The following SP7 variants were observed in gnomAD, a reference collection of about 807,000 sequenced individuals.
The protein encoded by SP7 is Sp7 transcription factor, also known as transcription factor Sp7.
SP7 carries 13 observed loss-of-function variants against 27.9 expected under a neutral mutation model. The ratio of observed to expected loss-of-function variants is 0.47; its 90% CI spans 0.30 to 0.74. The LOEUF (loss-of-function observed/expected upper bound fraction) is 0.74, where lower values mean the gene tolerates loss of function less well. Among genes scored for constraint, SP7 ranks in the 30% least tolerant of loss-of-function variants. The pLI is 0.06. For synonymous variants in SP7, 219 were observed against 226.7 expected, an observed-to-expected ratio of 0.97 and a Z score of 0.31; for missense variants, 525 against 558.0, an observed-to-expected ratio of 0.94 and a Z score of 0.60.
chr12:53,338,192 T>C (rs1280140815), upstream of SP7, among the ~76,000 whole-genome samples: 2 of 151,542 alleles, frequency 1.3e-5, no homozygotes. Flanking sequence ...TAGCACATAA[T>C]TGTGTCCGCT....
rs769481898 is a variant in SP7, at chr12:53,329,024, T to C, written c.418A>G (p.Lys140Glu). 2 of 1,613,752 alleles carry C rather than the reference T, an allele frequency of 1.2e-6. No individual in the cohort carries two copies. Among genetic ancestry groups the C allele is most frequent in the South Asian group, 1.1e-5 (1 of 91,076 alleles). ...DMTHPYGSWYKAGIHAGISPG... is the reference protein window; with the variant it reads ...DMTHPYGSWYEAGIHAGISPG... ...GAAATGCCTGCATGGATGCCTGCCTTGTACCAGGAGCCATAGGGGTGTGTC... is the reference window on the plus strand; with the variant it reads ...GAAATGCCTGCATGGATGCCTGCCTCGTACCAGGAGCCATAGGGGTGTGTC... Residue 140 changes from lysine (K) to glutamate (E), a missense_variant, in exon 3 of 3, where the codon AAG becomes GAG. By Grantham distance (56) the Lys-to-Glu change is moderately conservative. Transcript: ENST00000536324.
chr12:53,343,183 G>C (rs1944838206), intron 1 of SP7, among the ~76,000 whole-genome samples: 1 of 151,388 alleles, frequency 6.6e-6, no homozygotes, highest in Admixed American at 6.6e-5. Flanking sequence ...ATGAGACCTT[G>C]TCTAAAAGAA....
At chr12:53,339,878 C>G (rs569318523), upstream of SP7, among the ~76,000 whole-genome samples, 1 of 152,078 alleles carries the variant, frequency 6.6e-6, no homozygotes, top group Non-Finnish European at 1.5e-5. Flanking sequence ...CAAAGGGACT[C>G]CCAACTCTTC....
chr12:53,332,849 A>G (rs1210471398), intron 2 of SP7, among the ~76,000 whole-genome samples: 2 of 151,614 alleles, frequency 1.3e-5, no homozygotes, highest in African/African-American at 4.9e-5. Flanking sequence ...CTCCCCCCTG[A>G]CCGCCCCCTC....
At chr12:53,329,512 CA>C in intron 2 of SP7, 92 bp from the exon 3 acceptor site, 1 of 1,096,134 alleles carries the variant, frequency 9.1e-7, no homozygotes, top group Non-Finnish European at 1.3e-6. Context: ...GAGACATCCA[CA>C]ACAGAACAGA....
Position 53,328,866 on chromosome 12 carries a change from G to T in SP7, c.576C>A (p.Asn192Lys), listed in dbSNP as rs1169286485. The T allele has an allele frequency of 6.2e-7, 1 of 1,606,464 alleles. No individual in the cohort carries two copies. Among genetic ancestry groups the T allele is most frequent in the East Asian group, 2.2e-5 (1 of 44,732 alleles). Residue 192 changes from asparagine (N) to lysine (K), a missense_variant, in exon 3 of 3, where the codon AAC becomes AAA. Physicochemically the swap from Asn to Lys is moderately conservative, Grantham distance 94. Coordinates refer to ENST00000536324, the MANE Select transcript of SP7 (RefSeq NM_001173467.3). The surrounding 1 kb of genome is among the most constrained non-coding windows in gnomAD (Gnocchi z 5.1). ...CAGATGGGTAGGTGGGCAGCTGGGG[G>T]TTCAGTGGAGGCTGAGCTGGACCTG... ...LPTGPAQPPL[N>K]PQLPTYPSDF...
intron 1 of SP7, among the ~76,000 whole-genome samples, chr12:53,342,477 C>G (rs754335408): frequency 6.6e-5 from 10 of 152,174 alleles, no homozygotes; most frequent in Non-Finnish European, 5.9e-5. Flanking sequence ...ACCTCACAAA[C>G]TAACCAGCAA....
At position 53,327,083 on chromosome 12, in the gene SP7, A is replaced by T. The variant is rs2136831217; in HGVS notation, c.*1063T>A. ...CTCTCCATAACCATGGCAACAGGGG[A>T]TTAACCTGATGGGGTCATGGTGTCT... On this transcript the variant is annotated 3_prime_UTR_variant, in exon 3 of 3. Coordinates refer to ENST00000536324, the MANE Select transcript of SP7 (RefSeq NM_001173467.3). The T allele has an allele frequency of 6.5e-6, 1 of 152,740 alleles. No homozygotes were observed. The highest frequency in any genetic ancestry group is 2.1e-4 in the South Asian group (1 of 4,830). 9.5% of individuals were successfully genotyped at this position (152,740 alleles called of 1,614,324 possible).
chr12:53,344,071 A>T lies in SP7; in HGVS notation c.-34+1043T>A, dbSNP rs1042302839. 6.6e-6 allele frequency among the ~76,000 whole-genome samples: 1 copy of T among 152,050 alleles called. No individual in the cohort carries two copies. Among genetic ancestry groups the T allele is most frequent in the Non-Finnish European group, 1.5e-5 (1 of 68,000 alleles). ...TCAAGAAAAAAAAAAATAAAAAAAT[A>T]AGTCAATGAAGGGGTGATATTGAGG... On this transcript the variant is annotated intron_variant, in intron 1 of 1. Coordinates refer to the SP7 transcript ENST00000547755. The surrounding 1 kb of genome is among the most constrained non-coding windows in gnomAD (Gnocchi z 4.6).
chr12:53,333,086 G>T (rs1018998225), intron 2 of SP7, among the ~76,000 whole-genome samples: 27 of 152,160 alleles, frequency 1.8e-4, no homozygotes, highest in African/African-American at 6.3e-4. Flanking sequence ...GGCCCTCGAG[G>T]GCAGGGAATG....
intron 1 of SP7, among the ~76,000 whole-genome samples, chr12:53,342,937 G>C (rs1169874643): frequency 2.0e-5 from 3 of 151,718 alleles, no homozygotes; most frequent in Admixed American, 6.6e-5. Context: ...ATTAAGGAAG[G>C]CTTCCTGGAA....
At position 53,335,634 on chromosome 12, in the gene SP7, G is replaced by C. The variant is rs1416922320; in HGVS notation, c.13C>G (p.Leu5Val). 6.4e-7 allele frequency: 1 copy of C among 1,551,610 alleles called. No individual in the cohort carries two copies. ...GAAGAGGGGACAGTTACCTCAAGCA[G>C]GGAGGACGCCATCCTGAGGCTGGGG... MASS[L>V]LEEEVHYGSS... The change falls in exon 2 of 3, where the codon CTG becomes GTG. Residue 5 changes from leucine to valine, a missense_variant. By Grantham distance (32) the Leu-to-Val change is conservative. Coordinates refer to ENST00000536324, the MANE Select transcript of SP7 (RefSeq NM_001173467.3).
Position 53,329,397 on chromosome 12 carries a change from A to C in SP7, c.45T>G (p.Ser15Arg). The C allele has an allele frequency of 6.2e-7, 1 of 1,613,914 alleles. No homozygotes were observed. Among genetic ancestry groups the C allele is most frequent in the Non-Finnish European group, 8.5e-7 (1 of 1,179,848 alleles). The change falls in exon 3 of 3, where the codon AGT (serine) becomes AGG (arginine). Residue 15 changes from serine (S) to arginine (R), a missense_variant. Ser to Arg is a moderately radical substitution (Grantham distance 110). Transcript: ENST00000536324. ...ACGCTGCCGTCAGCATGGCCAGGGG[A>C]CTGGAGCCATAGTGAACTTCCTCCT... ...LLEEEVHYGS[S>R]PLAMLTAACS... is the part of the protein sequence containing the mutation.
rs377529417 is a variant in SP7 at position 53,328,538 on chromosome 12, C to T, written c.904G>A (p.Gly302Ser). 27 of 1,612,874 alleles carry T rather than the reference C, an allele frequency of 1.7e-5. No homozygotes were observed. The highest frequency in any genetic ancestry group is 1.9e-5 in the Non-Finnish European group (22 of 1,179,124). The change falls in exon 3 of 3, where the codon GGC (glycine) becomes AGC (serine). Residue 302 changes from glycine to serine, a missense_variant. Physicochemically the swap from Gly to Ser is moderately conservative, Grantham distance 56 (BLOSUM62 0). Coordinates refer to ENST00000536324, the MANE Select transcript of SP7 (RefSeq NM_001173467.3). The surrounding 1 kb of genome is among the most constrained non-coding windows in gnomAD (Gnocchi z 5.1). ...TGCGAAGCCTTGCCATACACCTTGC[C>T]GCAGCCAGGGATGTGGCAGCTGTGG... is the stretch of plus-strand genomic sequence containing the variant. ...PIHSCHIPGC[G>S]KVYGKASHLK...
chr12:53,329,350 C>T lies in SP7; in HGVS notation c.92G>A (p.Ser31Asn). The change falls in exon 3 of 3, where the codon AGC (serine) becomes AAC (asparagine). Residue 31 changes from serine to asparagine, a missense_variant. Physicochemically the swap from Ser to Asn is conservative, Grantham distance 46. Coordinates refer to ENST00000536324, the MANE Select transcript of SP7 (RefSeq NM_001173467.3). ...CAGAGTTGTTGAGTCCCGCAGAGGG[C>T]TAGAGCCACCAAATTTGCTGCACGC... The part of the protein sequence containing the change: ...TAACSKFGGS[S>N]PLRDSTTLGK... The T allele has an allele frequency of 6.2e-7, 1 of 1,613,998 alleles. No individual in the cohort carries two copies. The highest frequency in any genetic ancestry group is 1.1e-5 in the South Asian group (1 of 91,076).
Position 53,328,890 on chromosome 12 carries a change from T to C in SP7, c.552A>G (p.Thr184=), listed in dbSNP as rs369878239. Residue 184 remains threonine (T), a synonymous_variant, in exon 3 of 3, where the codon ACA becomes ACG. Coordinates refer to ENST00000536324, the MANE Select transcript of SP7 (RefSeq NM_001173467.3). The surrounding 1 kb of genome is among the most constrained non-coding windows in gnomAD (Gnocchi z 5.1). ...GGTTCAGTGGAGGCTGAGCTGGACC[T>C]GTGGGCAGTGTCCCTTGCAGCCCAT... is the stretch of plus-strand genomic sequence containing the variant. ...QGDGLQGTLP[T]GPAQPPLNPQ... is the part of the protein sequence containing the mutation. 6.8e-6 allele frequency: 11 copies of C among 1,611,338 alleles called. 1 individual carries two copies. Among genetic ancestry groups the C allele is most frequent in the African/African-American group, 4.0e-5 (3 of 74,874 alleles).
upstream of SP7, among the ~76,000 whole-genome samples, chr12:53,336,836 G>C (rs373052298): frequency 5.3e-5 from 8 of 152,216 alleles, no homozygotes; most frequent in East Asian, 3.9e-4. Flanking sequence ...TAGTGTCACT[G>C]AGGTTGGTTC....
intron 1 of SP7, among the ~76,000 whole-genome samples, chr12:53,342,261 A>T (rs1282593842): frequency 6.9e-6 from 1 of 144,790 alleles, no homozygotes; most frequent in African/African-American, 2.5e-5. Flanking sequence ...GACTCCATTT[A>T]AAAAAAAAAA....
In SP7 at chr12:53,344,622, G is replaced by A. The variant is rs1236310347; in HGVS notation, c.-34+492C>T. On this transcript the variant is annotated intron_variant, in intron 1 of 1. Coordinates refer to the SP7 transcript ENST00000547755. This position sits in a 1 kb window ranked among gnomAD's most constrained non-coding sequence, Gnocchi z 4.6. ...CGTGGACGTGTGAGGCAAGAAGGAC[G>A]GTTGAAGCTGAGGCAGGATTTGGGG... is the stretch of plus-strand genomic sequence containing the variant. Among the ~76,000 whole-genome samples, 1 of 152,186 alleles carries A rather than the reference G, an allele frequency of 6.6e-6. No individual in the cohort carries two copies. Among genetic ancestry groups the A allele is most frequent in the African/African-American group, 2.4e-5 (1 of 41,442 alleles).
Sources: allele counts gnomAD v4.1 joint callset (sites outside exome capture counted in the v4.1 genomes callset), GRCh38; gene constraint gnomAD v4.1.1; non-coding constraint Gnocchi (gnomAD v3.1); transcripts MANE v1.5; gene names NCBI Gene and HGNC (gene_info 2026-07-23, HGNC 2026-07-21).